Variants in ROBO2 observed in about 807,000 individuals in gnomAD.
ROBO2 encodes roundabout guidance receptor 2.
ROBO2 carries 53 observed loss-of-function variants against 160.8 expected under a neutral mutation model. The observed-to-expected ratio is 0.33, with a 90% CI of 0.26 to 0.41. ROBO2 has a LOEUF of 0.41. Among genes scored for constraint, ROBO2 ranks in the 10% least tolerant of loss-of-function variants. The pLI is 1.00. For missense variants in ROBO2, 1,577 were observed against 1,722.4 expected (o/e 0.92, Z 1.49); for synonymous variants, 664 against 611.7 (o/e 1.09, Z -1.26).
chr3:75,976,964 A>G (rs944340203), intron 2 of ROBO2, among the ~76,000 whole-genome samples: 1 of 151,578 alleles, frequency 6.6e-6, no homozygotes, highest in Non-Finnish European at 1.5e-5. Flanking sequence ...CCTATCAAGG[A>G]AATTGCTTAG....
At chr3:75,919,729 A>G (rs1946954348) in intron 1 of ROBO2, among the ~76,000 whole-genome samples, 1 of 152,150 alleles carries the variant, frequency 6.6e-6, no homozygotes, top group East Asian at 1.9e-4. Context: ...TTATTGGTCT[A>G]TTCAGGGATT....
intron 2 of ROBO2, among the ~76,000 whole-genome samples, chr3:76,448,186 G>A (rs1432028704): frequency 6.6e-6 from 1 of 151,988 alleles, no homozygotes; most frequent in Non-Finnish European, 1.5e-5. Context: ...TTCAAGGTGA[G>A]CCACTTTGCA....
intron 2 of ROBO2, among the ~76,000 whole-genome samples, chr3:76,904,534 G>A (rs1425451521): frequency 1.3e-5 from 2 of 152,140 alleles, no homozygotes; most frequent in Admixed American, 6.6e-5. Flanking sequence ...TTCAGATGCA[G>A]TACCAGTTTC....
At chr3:77,402,094 C>T (rs1314846428) in intron 2 of ROBO2, among the ~76,000 whole-genome samples, 1 of 152,178 alleles carries the variant, frequency 6.6e-6, no homozygotes, top group Non-Finnish European at 1.5e-5. Context: ...AAATACTATG[C>T]AACCATATAA....
chr3:76,115,675 A>G (rs1392650992), intron 2 of ROBO2, among the ~76,000 whole-genome samples: 2 of 151,994 alleles, frequency 1.3e-5, no homozygotes, highest in Admixed American at 1.3e-4. Flanking sequence ...TTTTTAAAAA[A>G]TTAAATAAAC....
In ROBO2 at chr3:76,927,229, T is replaced by G. The variant is rs574445024; in HGVS notation, c.110-170785T>G. Among the ~76,000 whole-genome samples the G allele has an allele frequency of 4.5e-4, 69 of 152,272 alleles. No homozygotes were observed. In the East Asian group the frequency reaches 0.012, roughly 27 times the overall value. On this transcript the variant is annotated intron_variant, in intron 2 of 26. Coordinates refer to the ROBO2 transcript ENST00000487694. ...GTAAGTATCCACAGAACTAACATCA[T>G]GAAATACATTCCCATAATGTTTGTT...
At chr3:76,624,354 G>T (rs1456150001) in intron 2 of ROBO2, among the ~76,000 whole-genome samples, 1 of 152,010 alleles carries the variant, frequency 6.6e-6, no homozygotes, top group African/African-American at 2.4e-5. Context: ...GAATCTGATT[G>T]GTAGCCTCAA....
intron 2 of ROBO2, among the ~76,000 whole-genome samples, chr3:77,471,097 T>G (rs935530): frequency 0.11 from 16,498 of 152,276 alleles, 1,232 homozygotes; most frequent in Non-Finnish European, 0.16. Context: ...TCTAATAACT[T>G]TAGTTGGGAT....
chr3:76,637,364 C>T (rs556164279), intron 2 of ROBO2, among the ~76,000 whole-genome samples: 4 of 151,928 alleles, frequency 2.6e-5, no homozygotes, highest in African/African-American at 7.2e-5. Flanking sequence ...GAATGGAACC[C>T]TTTCAAAGAC....
chr3:77,618,216 T>C (rs1305634151), intron 22 of ROBO2: 1 of 202,444 alleles, frequency 4.9e-6, no homozygotes, highest in Non-Finnish European at 1.0e-5. Context: ...GTTGTCAATA[T>C]GTAAATGTGA....
intron 5 of ROBO2, among the ~76,000 whole-genome samples, chr3:77,495,574 GTTT>G (rs2086677679): frequency 6.6e-6 from 1 of 152,166 alleles, no homozygotes; most frequent in Non-Finnish European, 1.5e-5. Flanking sequence ...CAGGTCCTTA[GTTT>G]TTCTAGTTTT....
intron 2 of ROBO2, among the ~76,000 whole-genome samples, chr3:76,377,578 T>G (rs1216416781): frequency 6.6e-6 from 1 of 152,172 alleles, no homozygotes; most frequent in African/African-American, 2.4e-5. Flanking sequence ...TCTCCTTGCT[T>G]CCAGCTTTCT....
rs552717048 is a variant in ROBO2, at chr3:75,950,060, C to T, written c.109+12458C>T. Among the ~76,000 whole-genome samples, 34 of 151,918 alleles carry T rather than the reference C, an allele frequency of 2.2e-4. No individual in the cohort carries two copies. The South Asian group carries it at 3.7e-3, about 17-fold the overall frequency. On this transcript the variant is annotated intron_variant, in intron 2 of 26. Transcript: ENST00000487694. Reference sequence around the variant, plus strand: ...TGTGAGTGTGCATATCACCTACTTTCGTCCATTTATTTGATAAAATTCATA... The same window carrying T: ...TGTGAGTGTGCATATCACCTACTTTTGTCCATTTATTTGATAAAATTCATA...
Position 77,642,250 on chromosome 3 carries a change from T to C in ROBO2, c.3935-2454T>C, listed in dbSNP as rs76701098. Among the ~76,000 whole-genome samples the C allele has an allele frequency of 8.7e-3, 1,329 of 152,322 alleles. 42 individuals are homozygous for C. The East Asian group carries it at 0.1, about 12-fold the overall frequency. ...CCGAGGGTGACATTCCCTTTGGAGA[T>C]TGGCAGGAGAGCTTTTGTTCTTGGG... On this transcript the variant is annotated intron_variant, in intron 24 of 25. Transcript: ENST00000461745.
At chr3:76,900,117 C>A (rs2075113019) in intron 2 of ROBO2, among the ~76,000 whole-genome samples, 1 of 152,222 alleles carries the variant, frequency 6.6e-6, no homozygotes, top group Non-Finnish European at 1.5e-5. Flanking sequence ...TTGTGCCCTG[C>A]ACAAGCTGCT....
At chr3:76,850,514 T>A (rs2069236584) in intron 2 of ROBO2, among the ~76,000 whole-genome samples, 1 of 152,154 alleles carries the variant, frequency 6.6e-6, no homozygotes, top group African/African-American at 2.4e-5. Flanking sequence ...TCTTCCAAAC[T>A]GAGATATCTC....
intron 2 of ROBO2, among the ~76,000 whole-genome samples, chr3:77,011,550 G>C (rs532146799): frequency 1.3e-5 from 2 of 151,984 alleles, no homozygotes; most frequent in Admixed American, 1.3e-4. Context: ...AGTGATTATA[G>C]GGTAAGGGGA....
intron 2 of ROBO2, among the ~76,000 whole-genome samples, chr3:76,945,688 G>A (rs572078475): frequency 6.6e-6 from 1 of 152,146 alleles, no homozygotes; most frequent in South Asian, 2.1e-4. Context: ...ATGTCCTCAA[G>A]GTCACTAATC....
intron 1 of ROBO2, among the ~76,000 whole-genome samples, chr3:77,091,745 G>A (rs895685903): frequency 2.6e-5 from 4 of 152,026 alleles, no homozygotes; most frequent in Non-Finnish European, 4.4e-5. Context: ...TCTGGAGGCC[G>A]AAGCAGGAGG....
Sources: gnomAD v4.1 joint callset for allele counts (sites outside exome capture counted in the v4.1 genomes callset) on GRCh38, gnomAD v4.1.1 for gene constraint, MANE v1.5 for transcripts, NCBI Gene and HGNC (gene_info 2026-07-23, HGNC 2026-07-21) for gene names.